The following MAGI2 variants were observed in gnomAD, a reference collection of about 807,000 sequenced individuals.
MAGI2 encodes membrane-associated guanylate kinase, WW and PDZ domain-containing protein 2.
Under a neutral mutation model 133.3 loss-of-function variants are expected in MAGI2, and 35 were observed. The observed-to-expected ratio is 0.26, with a 90% CI of 0.20 to 0.35. The LOEUF (loss-of-function observed/expected upper bound fraction) is 0.35, where lower values mean the gene tolerates loss of function less well. Among genes scored for constraint, MAGI2 ranks in the 10% least tolerant of loss-of-function variants. MAGI2 has a pLI of 1.00. For synonymous variants in MAGI2, 729 were observed against 710.6 expected (o/e 1.03, Z -0.41); for missense variants, 1,636 against 1,863.4 (o/e 0.88, Z 2.25).
chr7:78,579,859 A>G (rs760324123), intron 3 of MAGI2, among the ~76,000 whole-genome samples: 3 of 152,140 alleles, frequency 2.0e-5, no homozygotes, highest in Non-Finnish European at 2.9e-5. Context: ...ACTCTTCCCT[A>G]CACTAGTCTA....
At chr7:79,441,680 A>G (rs1470276220) in intron 1 of MAGI2, among the ~76,000 whole-genome samples, 3 of 152,120 alleles carry the variant, frequency 2.0e-5, no homozygotes, top group Non-Finnish European at 4.4e-5. Flanking sequence ...AATTCAAAAT[A>G]CTATATTCTT....
chr7:78,065,378 C>T (rs776210078), intron 21 of MAGI2, among the ~76,000 whole-genome samples: 3 of 152,106 alleles, frequency 2.0e-5, no homozygotes, highest in Non-Finnish European at 4.4e-5. Context: ...TGCTAGAATG[C>T]GGTGCATCTC....
At chr7:78,662,621 T>C (rs1227496939) in intron 2 of MAGI2, among the ~76,000 whole-genome samples, 2 of 152,196 alleles carry the variant, frequency 1.3e-5, no homozygotes, top group East Asian at 3.8e-4. Context: ...TTCAATTCTA[T>C]AGTGTGTCTA....
chr7:79,416,725 CTTTTTCTT>C (rs1846551824), intron 1 of MAGI2, among the ~76,000 whole-genome samples: 1 of 102,474 alleles, frequency 9.8e-6, no homozygotes, highest in Non-Finnish European at 1.9e-5. Context: ...TTTTCTTTTT[CTTTTTCTT>C]TTTTTTTTTT....
chr7:79,240,839 G>T (rs1006516426), intron 1 of MAGI2, among the ~76,000 whole-genome samples: 1 of 151,890 alleles, frequency 6.6e-6, no homozygotes, highest in Non-Finnish European at 1.5e-5. Flanking sequence ...AACTCTCGTT[G>T]AATTCTCTAT....
chr7:79,249,319 C>T (rs978233353), intron 1 of MAGI2, among the ~76,000 whole-genome samples: 2 of 150,410 alleles, frequency 1.3e-5, no homozygotes, highest in Admixed American at 6.6e-5. Flanking sequence ...GGAATTGAAA[C>T]GAAGAAAACA....
chr7:78,667,013 G>T (rs1261692056), intron 2 of MAGI2, among the ~76,000 whole-genome samples: 2 of 152,244 alleles, frequency 1.3e-5, no homozygotes, highest in South Asian at 4.1e-4. Context: ...AACATAGAGA[G>T]TTGATCTTTT....
intron 6 of MAGI2, among the ~76,000 whole-genome samples, chr7:78,376,262 A>T (rs1036659267): frequency 3.9e-5 from 6 of 152,138 alleles, no homozygotes; most frequent in Non-Finnish European, 8.8e-5. Context: ...CTAAAACTGA[A>T]TATAGAAAAT....
At chr7:79,268,591 T>A in intron 1 of MAGI2, among the ~76,000 whole-genome samples, 1 of 152,222 alleles carries the variant, frequency 6.6e-6, no homozygotes, top group Non-Finnish European at 1.5e-5. Flanking sequence ...TAATTTGGGA[T>A]TTTTTAAAGT....
intron 2 of MAGI2, among the ~76,000 whole-genome samples, chr7:78,934,160 G>A (rs1800344241): frequency 6.6e-6 from 1 of 152,092 alleles, no homozygotes; most frequent in Non-Finnish European, 1.5e-5. Context: ...AAAGTGCAAT[G>A]GTGCAATCTC....
rs1809350973 is a variant in MAGI2, at chr7:79,021,754, T to G, written c.302-14548A>C. ...CTAATGCTGGAATGAATTAAGATTT[T>G]GGGGGACTGTTGGAAGGGCATAATT... On this transcript the variant is annotated intron_variant, in intron 1 of 21. Coordinates refer to ENST00000354212, the MANE Select transcript of MAGI2 (RefSeq NM_012301.4). Among the ~76,000 whole-genome samples, 3 of 152,146 alleles carry G rather than the reference T, an allele frequency of 2.0e-5. No individual in the cohort carries two copies. The South Asian group carries it at 6.2e-4, about 32-fold the overall frequency.
At chr7:78,163,682 G>A (rs565382892) in intron 15 of MAGI2, among the ~76,000 whole-genome samples, 7 of 151,974 alleles carry the variant, frequency 4.6e-5, no homozygotes, top group East Asian at 3.9e-4. Flanking sequence ...CGAGGCGGGC[G>A]GATCACGAGG....
chr7:79,363,777 C>A (rs6966753), intron 1 of MAGI2, among the ~76,000 whole-genome samples: 2 of 150,680 alleles, frequency 1.3e-5, no homozygotes, highest in African/African-American at 2.4e-5. Flanking sequence ...AAGAGACAAC[C>A]TATGGATTGG....
intron 6 of MAGI2, among the ~76,000 whole-genome samples, chr7:78,387,095 T>C (rs1320903933): frequency 1.3e-5 from 2 of 152,224 alleles, no homozygotes. Context: ...AACCTGTGAA[T>C]GTACTTTTTA....
chr7:79,378,916 A>ATG (rs201646560), intron 1 of MAGI2, among the ~76,000 whole-genome samples: 29 of 76,908 alleles, frequency 3.8e-4, no homozygotes, highest in Admixed American at 6.6e-4. Context: ...ATATATATAT[A>ATG]TGTGTGTGTG....
intron 6 of MAGI2, among the ~76,000 whole-genome samples, chr7:78,475,900 T>A (rs1280630389): frequency 6.6e-6 from 1 of 151,766 alleles, no homozygotes; most frequent in Non-Finnish European, 1.5e-5. Flanking sequence ...TTTCACCAAG[T>A]CTTCTCGGAA....
At chr7:79,050,090 T>C (rs1259835122) in intron 1 of MAGI2, among the ~76,000 whole-genome samples, 1 of 152,142 alleles carries the variant, frequency 6.6e-6, no homozygotes, top group African/African-American at 2.4e-5. Context: ...TTAAATTTGC[T>C]TCTTTCAGGG....
intron 2 of MAGI2, among the ~76,000 whole-genome samples, chr7:78,987,463 C>A (rs1274304157): frequency 6.6e-6 from 1 of 152,004 alleles, no homozygotes; most frequent in African/African-American, 2.4e-5. Context: ...AATTATCTTA[C>A]TTTGAAGGTT....
At chr7:78,029,364 C>T (rs1398058495) in intron 21 of MAGI2, among the ~76,000 whole-genome samples, 1 of 152,194 alleles carries the variant, frequency 6.6e-6, no homozygotes, top group Admixed American at 6.5e-5. Flanking sequence ...TCATTTATTT[C>T]AAGCATGTGT....
Sources: gnomAD v4.1 joint callset for allele counts (sites outside exome capture counted in the v4.1 genomes callset) on GRCh38, gnomAD v4.1.1 for gene constraint, MANE v1.5 for transcripts, NCBI Gene and HGNC (gene_info 2026-07-23, HGNC 2026-07-21) for gene names.